The following CCDC7 variants were observed in gnomAD, a reference collection of about 807,000 sequenced individuals.
CCDC7 encodes coiled-coil domain containing 7.
In CCDC7, 183 loss-of-function variants were observed where a neutral mutation model predicts 196.9. The ratio of observed to expected loss-of-function variants is 0.93; its 90% CI spans 0.82 to 1.05. CCDC7 has a LOEUF of 1.05. CCDC7 is among the 50% of genes least tolerant of loss of function. The probability of loss-of-function intolerance (pLI) is 0.00; values close to 1 mark genes in which losing one functional copy is unlikely to be tolerated. For missense variants in CCDC7, 1,540 were observed against 1,482.2 expected (o/e 1.04, Z -0.64); for synonymous variants, 525 against 484.6 (o/e 1.08, Z -1.10).
At chr10:32,712,262 T>C (rs915503224) in intron 25 of CCDC7, among the ~76,000 whole-genome samples, 1 of 152,194 alleles carries the variant, frequency 6.6e-6, no homozygotes, top group Non-Finnish European at 1.5e-5. Flanking sequence ...TGGCAGCAGA[T>C]GAATGGTCCC....
At chr10:32,729,030 A>G (rs2083524526) in intron 27 of CCDC7, 33 bp downstream of exon 28, 1 of 1,394,906 alleles carries the variant, frequency 7.2e-7, no homozygotes. Context: ...ACTTTAAATT[A>G]TTTTATGTTG....
chr10:32,759,040 T>C (rs1030563720), intron 28 of CCDC7, among the ~76,000 whole-genome samples: 6 of 152,090 alleles, frequency 3.9e-5, no homozygotes, highest in East Asian at 1.9e-4. Flanking sequence ...TTACAAGGGA[T>C]GTGAAGGACC....
chr10:32,567,813 G>A lies in CCDC7; in HGVS notation c.1341G>A (p.Leu447=), dbSNP rs542687760. 1.1e-5 allele frequency: 17 copies of A among 1,613,496 alleles called. No individual in the cohort carries two copies. The East Asian group carries it at 3.6e-4, about 34-fold the overall frequency. Residue 447 remains leucine (L), a synonymous_variant, in exon 15 of 42, where the codon TTG becomes TTA. Transcript: ENST00000639629. ...GTGAAGATTCAAAAAATATACCATTGGAGAAAGAAACAAGAAAATCACTGG... is the reference window on the plus strand; with the variant it reads ...GTGAAGATTCAAAAAATATACCATTAGAGAAAGAAACAAGAAAATCACTGG...
chr10:32,826,596 G>T (rs2091156409), intron 32 of CCDC7, among the ~76,000 whole-genome samples: 1 of 152,218 alleles, frequency 6.6e-6, no homozygotes, highest in South Asian at 2.1e-4. Flanking sequence ...AATGCCCGTG[G>T]TCCCCACTCC....
At chr10:32,542,320 C>T (rs2051582331) in intron 11 of CCDC7, among the ~76,000 whole-genome samples, 1 of 152,100 alleles carries the variant, frequency 6.6e-6, no homozygotes, top group African/African-American at 2.4e-5. Context: ...TAAGCAATTT[C>T]ATCTGCAAAA....
In CCDC7 at chr10:32,637,951, T is replaced by C. The variant is rs542576061; in HGVS notation, c.2014+2793T>C. Among the ~76,000 whole-genome samples the C allele has an allele frequency of 1.4e-3, 219 of 152,348 alleles. 1 individual carries two copies. Among genetic ancestry groups the C allele is most frequent in the African/African-American group, 5.0e-3 (208 of 41,572 alleles). On this transcript the variant is annotated intron_variant, in intron 20 of 41. Transcript: ENST00000639629. ...TCCTTGAAGAGGTCCTTCACATCCC[T>C]TGTAAGTTGTATTCCTAGGTATTTT...
chr10:32,595,810 C>A (rs1358132353), intron 18 of CCDC7, among the ~76,000 whole-genome samples: 2 of 152,190 alleles, frequency 1.3e-5, no homozygotes, highest in Non-Finnish European at 2.9e-5. Flanking sequence ...ACCTAGTAGT[C>A]ATTCAGAAGC....
chr10:32,851,989 AT>A, intron 40 of CCDC7, 57 bp downstream of exon 41: 1 of 1,496,956 alleles, frequency 6.7e-7, no homozygotes, highest in Non-Finnish European at 8.9e-7. Flanking sequence ...CTATAACTAA[AT>A]GTAAATAACC....
intron 41 of CCDC7, among the ~76,000 whole-genome samples, chr10:32,856,656 C>T (rs2093765042): frequency 6.6e-6 from 1 of 152,174 alleles, no homozygotes; most frequent in Admixed American, 6.5e-5. Flanking sequence ...TGCTGTGTCC[C>T]ATTACTCCAG....
At chr10:32,621,060 C>A (rs2063355845) in intron 18 of CCDC7, among the ~76,000 whole-genome samples, 1 of 152,136 alleles carries the variant, frequency 6.6e-6, no homozygotes, top group Non-Finnish European at 1.5e-5. Context: ...TTTTCCGGGA[C>A]AAAGCTGGTT....
intron 24 of CCDC7, among the ~76,000 whole-genome samples, chr10:32,699,516 G>T (rs1409293777): frequency 1.3e-4 from 19 of 148,976 alleles, no homozygotes; most frequent in Non-Finnish European, 2.8e-4. Context: ...ATAAACATAC[G>T]TGTGCATGTG....
At chr10:32,711,530 TG>T in intron 24 of CCDC7, 89 bp from the exon 26 acceptor site, 1 of 723,412 alleles carries the variant, frequency 1.4e-6, no homozygotes, top group Non-Finnish European at 2.3e-6. Flanking sequence ...TGAAAGAAAA[TG>T]TTGCTTCCAC....
intron 13 of CCDC7, among the ~76,000 whole-genome samples, chr10:32,547,078 G>T (rs2052597753): frequency 1.3e-5 from 2 of 151,808 alleles, no homozygotes; most frequent in South Asian, 4.2e-4. Flanking sequence ...GAGTGCAGTG[G>T]CATGACCCTA....
At chr10:32,681,587 G>GTACAC (rs1365948310) in intron 21 of CCDC7, among the ~76,000 whole-genome samples, 1 of 152,134 alleles carries the variant, frequency 6.6e-6, no homozygotes, top group Non-Finnish European at 1.5e-5. Flanking sequence ...TATGCCTGCA[G>GTACAC]TACACAAATC....
intron 11 of CCDC7, among the ~76,000 whole-genome samples, chr10:32,534,628 C>G (rs2050183647): frequency 6.6e-6 from 1 of 151,910 alleles, no homozygotes; most frequent in South Asian, 2.1e-4. Flanking sequence ...GACCTCAGCT[C>G]TAGTAAATGA....
At position 32,721,506 on chromosome 10, in the gene CCDC7, G is replaced by T. The variant is rs539977427; in HGVS notation, c.2570-5228G>T. Among the ~76,000 whole-genome samples, 9 of 152,218 alleles carry T rather than the reference G, an allele frequency of 5.9e-5. No individual in the cohort carries two copies. In the South Asian group the frequency reaches 1.7e-3, roughly 28 times the overall value. On this transcript the variant is annotated intron_variant, in intron 25 of 41. Transcript: ENST00000639629. The stretch of plus-strand genomic sequence containing the variant: ...TTGGTCAGAACACCACTCAAAAATG[G>T]CAGCCTTACTGGTAACATAATATAT...
rs1000633211 is a variant in CCDC7 at position 32,565,451 on chromosome 10, A to G, written c.1135-107A>G. 1.9e-5 allele frequency: 22 copies of G among 1,151,824 alleles called. 1 individual carries two copies. The South Asian group carries it at 2.1e-4, about 11-fold the overall frequency. 71.4% of individuals were successfully genotyped at this position (1,151,824 alleles called of 1,614,324 possible). A position where few individuals can be genotyped will look rare whatever the true frequency, so the allele number is the denominator to read the frequency against. On this transcript the variant is annotated intron_variant, in intron 13 of 41. Coordinates refer to ENST00000639629, the Ensembl canonical transcript of CCDC7. ...GATGTGCAGTTCAATGTCTATGCTC[A>G]ATTCTTATCTTGGGTATCTATGGGT... is the stretch of plus-strand genomic sequence containing the variant.
At chr10:32,566,971 A>G (rs962187762) in intron 14 of CCDC7, among the ~76,000 whole-genome samples, 8 of 130,484 alleles carry the variant, frequency 6.1e-5, no homozygotes, top group African/African-American at 8.9e-5. Context: ...TTTTATATAT[A>G]AATATATAAC....
chr10:32,858,513 G>T (rs1388068795), intron 41 of CCDC7, among the ~76,000 whole-genome samples: 1 of 152,116 alleles, frequency 6.6e-6, no homozygotes, highest in Non-Finnish European at 1.5e-5. Context: ...ATGTAGGGCT[G>T]GTTGATCATG....
Sources: allele counts gnomAD v4.1 joint callset (sites outside exome capture counted in the v4.1 genomes callset), GRCh38; gene constraint gnomAD v4.1.1; transcripts MANE v1.5; gene names NCBI Gene and HGNC (gene_info 2026-07-23, HGNC 2026-07-21).